Variants in LRRC4C observed in about 807,000 individuals in gnomAD.
LRRC4C encodes the protein leucine-rich repeat-containing protein 4C.
LRRC4C carries 5 observed loss-of-function variants against 33.6 expected under a neutral mutation model. The observed-to-expected ratio is 0.15, with a 90% CI of 0.08 to 0.31. The LOEUF (loss-of-function observed/expected upper bound fraction) is 0.31. Among genes scored for constraint, LRRC4C ranks in the 10% least tolerant of loss-of-function variants. The pLI is 1.00. For missense variants in LRRC4C, 560 were observed against 796.7 expected (o/e 0.70, Z 3.58); for synonymous variants, 329 against 302.0 (o/e 1.09, Z -0.93).
At chr11:40,163,195 G>A (rs1283224120) in intron 5 of LRRC4C, among the ~76,000 whole-genome samples, 2 of 152,206 alleles carry the variant, frequency 1.3e-5, no homozygotes, top group African/African-American at 4.8e-5. Flanking sequence ...CATACCGTGT[G>A]TAAGAACATT....
intron 2 of LRRC4C, among the ~76,000 whole-genome samples, chr11:40,924,682 G>C (rs1304151095): frequency 6.6e-6 from 1 of 152,038 alleles, no homozygotes; most frequent in Non-Finnish European, 1.5e-5. Context: ...AAATATTTAA[G>C]GTGAGGAATA....
At chr11:40,510,678 G>A (rs1212922159) in intron 3 of LRRC4C, among the ~76,000 whole-genome samples, 1 of 152,108 alleles carries the variant, frequency 6.6e-6, no homozygotes, top group Non-Finnish European at 1.5e-5. Context: ...AGCCTAAATA[G>A]CAACTCACAA....
At chr11:41,168,933 C>A (rs1944849589) in intron 1 of LRRC4C, among the ~76,000 whole-genome samples, 1 of 152,040 alleles carries the variant, frequency 6.6e-6, no homozygotes, top group African/African-American at 2.4e-5. Context: ...GAAACAATGC[C>A]CCATGCCAGG....
chr11:40,754,115 G>T (rs568202061), intron 2 of LRRC4C, among the ~76,000 whole-genome samples: 2 of 151,764 alleles, frequency 1.3e-5, no homozygotes, highest in South Asian at 4.2e-4. Context: ...CATTTAATTT[G>T]TAAAAAATGA....
In LRRC4C at chr11:40,433,415, G is replaced by GATATAATATA. The variant is rs1160971283; in HGVS notation, c.-269-113695_-269-113694insTATATTATAT. 1.1e-4 allele frequency among the ~76,000 whole-genome samples: 16 copies of GATATAATATA among 152,230 alleles called. No homozygotes were observed. In the East Asian group the frequency reaches 3.1e-3, roughly 29 times the overall value. On this transcript the variant is annotated intron_variant, in intron 3 of 6. Transcript: ENST00000528697. ...TTACTGATATAATATATGGGATGAG[G>GATATAATATA]TGGGAAGATTGTTTGGAAGGAGAAT... is the stretch of plus-strand genomic sequence containing the variant.
chr11:40,438,859 G>A (rs555260397), intron 3 of LRRC4C, among the ~76,000 whole-genome samples: 9 of 150,696 alleles, frequency 6.0e-5, no homozygotes, highest in Non-Finnish European at 1.3e-4. Context: ...TGTATGCCTT[G>A]GAAATAAAAT....
chr11:40,525,724 T>C (rs1207622809), intron 3 of LRRC4C, among the ~76,000 whole-genome samples: 1 of 123,470 alleles, frequency 8.1e-6, no homozygotes, highest in Middle Eastern at 3.4e-3. Flanking sequence ...CTTCAGCAAC[T>C]TTTTTTTTTT....
chr11:40,969,193 G>A (rs558949130), intron 1 of LRRC4C, among the ~76,000 whole-genome samples: 19 of 152,278 alleles, frequency 1.2e-4, no homozygotes, highest in Non-Finnish European at 2.2e-4. Flanking sequence ...AAAACAGCAA[G>A]AGAACTAGAA....
chr11:40,255,843 C>T (rs1214747286), intron 4 of LRRC4C, among the ~76,000 whole-genome samples: 1 of 152,204 alleles, frequency 6.6e-6, no homozygotes, highest in African/African-American at 2.4e-5. Context: ...CTTCACTTAT[C>T]TGGGAGACAA....
intron 2 of LRRC4C, among the ~76,000 whole-genome samples, chr11:40,898,759 G>C (rs1956079505): frequency 1.3e-5 from 2 of 148,678 alleles, no homozygotes. Context: ...AAAATTCCTT[G>C]CTTTATTTGA....
chr11:41,088,118 C>T (rs528515712), intron 1 of LRRC4C, among the ~76,000 whole-genome samples: 120 of 152,042 alleles, frequency 7.9e-4, no homozygotes, highest in African/African-American at 2.7e-3. Flanking sequence ...TTGAAAACTC[C>T]TAATGAAGCA....
intron 3 of LRRC4C, among the ~76,000 whole-genome samples, chr11:40,636,889 A>G (rs1941785916): frequency 6.6e-6 from 1 of 152,158 alleles, no homozygotes; most frequent in Admixed American, 6.6e-5. Flanking sequence ...CTCCCTTGGC[A>G]GTGAGCACCC....
chr11:40,372,617 G>A (rs1035256055), intron 3 of LRRC4C, among the ~76,000 whole-genome samples: 7 of 152,140 alleles, frequency 4.6e-5, no homozygotes, highest in Admixed American at 6.6e-5. Flanking sequence ...GTGGGGAGGG[G>A]GAGACTCATT....
chr11:40,311,069 G>A (rs983980475), intron 4 of LRRC4C, among the ~76,000 whole-genome samples: 1 of 152,102 alleles, frequency 6.6e-6, no homozygotes, highest in Admixed American at 6.5e-5. Context: ...CATATTCTGT[G>A]CAACCATACT....
At position 41,409,921 on chromosome 11, in the gene LRRC4C, TG is replaced by T. The variant is rs1328292744; in HGVS notation, c.-496+49509del. 7.2e-5 allele frequency among the ~76,000 whole-genome samples: 11 copies of T among 152,348 alleles called. No individual in the cohort carries two copies. The East Asian group carries it at 1.3e-3, about 19-fold the overall frequency. On this transcript the variant is annotated intron_variant, in intron 1 of 6. Transcript: ENST00000528697. ...TGTGTTTTTTAGCCATTAATATTAA[TG>T]TTTTTTTATTTCCATCATCCTAATG...
chr11:40,313,085 C>T (rs909393036), intron 4 of LRRC4C, among the ~76,000 whole-genome samples: 2 of 152,104 alleles, frequency 1.3e-5, no homozygotes. Flanking sequence ...TTTCACCATC[C>T]TCAAAGTCTC....
intron 3 of LRRC4C, among the ~76,000 whole-genome samples, chr11:40,586,395 T>G (rs985451428): frequency 6.8e-6 from 1 of 147,560 alleles, no homozygotes; most frequent in Non-Finnish European, 1.5e-5. Flanking sequence ...GATGAGTAGG[T>G]TGTGAAAATT....
intron 2 of LRRC4C, among the ~76,000 whole-genome samples, chr11:40,913,774 A>T (rs747407930): frequency 3.0e-4 from 46 of 152,298 alleles, no homozygotes; most frequent in Middle Eastern, 3.4e-3. Flanking sequence ...TTTTTTGAAA[A>T]GATCAACAAA....
chr11:40,385,868 A>C lies in LRRC4C; in HGVS notation c.-269-66147T>G, dbSNP rs926697907. ...GCAACAGAGTGAGACTCTGTCAAAT[A>C]AATAAATAAATAAATAAATAAATAA... On this transcript the variant is annotated intron_variant, in intron 3 of 6. Coordinates refer to ENST00000528697, the MANE Select transcript of LRRC4C (RefSeq NM_001258419.2). 3.4e-5 allele frequency among the ~76,000 whole-genome samples: 5 copies of C among 148,016 alleles called. No homozygotes were observed. In the East Asian group the frequency reaches 9.8e-4, roughly 29 times the overall value.
Sources: allele counts gnomAD v4.1 joint callset (sites outside exome capture counted in the v4.1 genomes callset), GRCh38; gene constraint gnomAD v4.1.1; transcripts MANE v1.5; gene names NCBI Gene and HGNC (gene_info 2026-07-23, HGNC 2026-07-21).